Variants in KIF3A observed in about 807,000 individuals in gnomAD.
KIF3A encodes the protein kinesin-like protein KIF3A.
KIF3A carries 27 observed loss-of-function variants against 92.6 expected under a neutral mutation model. That is an observed-to-expected ratio of 0.29 (90% CI 0.21 to 0.40). The LOEUF (loss-of-function observed/expected upper bound fraction) is 0.40. KIF3A is among the 10% of genes least tolerant of loss of function. KIF3A has a pLI of 1.00. For missense variants in KIF3A, 581 were observed against 872.6 expected (o/e 0.67, Z 4.21); for synonymous variants, 250 against 275.4 (o/e 0.91, Z 0.92).
At chr5:132,734,154 A>G (rs1287228954) in intron 2 of KIF3A, 51 bp downstream of exon 2, 1 of 1,387,646 alleles carries the variant, frequency 7.2e-7, no homozygotes, top group African/African-American at 1.4e-5. Context: ...TTTATGGCAC[A>G]GTAATTATGT....
chr5:132,729,204 C>T (rs1754141992), intron 2 of KIF3A, among the ~76,000 whole-genome samples: 1 of 152,020 alleles, frequency 6.6e-6, no homozygotes, highest in Middle Eastern at 3.4e-3. Context: ...ATGGGTGCAC[C>T]AAAATCTCAG....
intron 8 of KIF3A, among the ~76,000 whole-genome samples, chr5:132,714,532 T>C (rs977232093): frequency 3.9e-5 from 6 of 152,220 alleles, no homozygotes; most frequent in Non-Finnish European, 7.3e-5. Flanking sequence ...CACAAGTAGA[T>C]ACTCCATGAT....
intron 5 of KIF3A, among the ~76,000 whole-genome samples, chr5:132,719,268 A>ATT (rs1437508445): frequency 5.4e-4 from 83 of 152,294 alleles, no homozygotes; most frequent in Non-Finnish European, 9.6e-4. Flanking sequence ...GAAGTTAAAC[A>ATT]GCCTTTCACA....
chr5:132,700,233 C>G lies in KIF3A; in HGVS notation c.1990G>C (p.Asp664His), dbSNP rs1170440280. The G allele has an allele frequency of 6.3e-7, 1 of 1,584,962 alleles. No individual in the cohort carries two copies. ...NNMRKQTPVP[D>H]KKEKDPFEVD... ...ACTCTTACATCTTTCTCCTTTTTAT[C>G]AGGTACTGGGGTTTGCTTCCTCATG... is the stretch of plus-strand genomic sequence containing the variant. The change falls in exon 17 of 19, where the codon GAT becomes CAT. Residue 664 changes from aspartate to histidine, a missense_variant. Asp to His is a moderately conservative substitution (Grantham distance 81). Around this residue, in one of 5 missense-constraint regions of KIF3A, gnomAD observed 112 missense variants for 144.3 expected, o/e 0.78. Coordinates refer to ENST00000403231, the MANE Select transcript of KIF3A (RefSeq NM_001300791.2).
intron 11 of KIF3A, among the ~76,000 whole-genome samples, chr5:132,705,266 T>C (rs1753170266): frequency 6.6e-6 from 1 of 152,044 alleles, no homozygotes; most frequent in Non-Finnish European, 1.5e-5. Flanking sequence ...ATATAGTAAG[T>C]ATACGCATTT....
chr5:132,718,378 C>T (rs1399905135), intron 5 of KIF3A, among the ~76,000 whole-genome samples: 6 of 152,026 alleles, frequency 3.9e-5, no homozygotes, highest in South Asian at 2.1e-4. Flanking sequence ...GGCACAATCT[C>T]GGCTCACTGC....
intron 2 of KIF3A, among the ~76,000 whole-genome samples, chr5:132,731,924 T>C (rs1183107845): frequency 6.6e-6 from 1 of 152,048 alleles, no homozygotes; most frequent in African/African-American, 2.4e-5. Context: ...TTGGTCAGGC[T>C]AGTCTCGAAC....
chr5:132,697,310 A>G (rs774005563), intron 18 of KIF3A, among the ~76,000 whole-genome samples: 24 of 152,122 alleles, frequency 1.6e-4, no homozygotes, highest in Non-Finnish European at 3.5e-4. Context: ...GTATACAGAG[A>G]TGGTGAGTTT....
intron 4 of KIF3A, among the ~76,000 whole-genome samples, chr5:132,724,994 C>T (rs1316457553): frequency 1.3e-5 from 2 of 149,710 alleles, no homozygotes; most frequent in Non-Finnish European, 3.0e-5. Flanking sequence ...ATAAAAAAAA[C>T]TTTCCTAAAA....
At chr5:132,707,163 A>G (rs1753240861) in intron 10 of KIF3A, among the ~76,000 whole-genome samples, 2 of 152,056 alleles carry the variant, frequency 1.3e-5, no homozygotes, top group South Asian at 4.1e-4. Context: ...AAATTATTAC[A>G]TAAAATGAAG....
At position 132,728,745 on chromosome 5, in the gene KIF3A, CAATAAATAAATA is replaced by C. The variant is rs3048989; in HGVS notation, c.281-2259_281-2248del. ...GAGTGAGACTCTGTCTCAAAAAATA[CAATAAATAAATA>C]AATAAATAAATAAATATAATAAACT... is the stretch of plus-strand genomic sequence containing the variant. On this transcript the variant is annotated intron_variant, in intron 2 of 18. Transcript: ENST00000403231. Among the ~76,000 whole-genome samples the C allele has an allele frequency of 1.3e-4, 19 of 149,694 alleles. No individual in the cohort carries two copies. The East Asian group carries it at 2.2e-3, about 17-fold the overall frequency.
chr5:132,699,020 G>A, intron 18 of KIF3A, 151 bp downstream of exon 18: 1 of 775,378 alleles, frequency 1.3e-6, no homozygotes, highest in Non-Finnish European at 2.1e-6. Flanking sequence ...TTACAGGCGT[G>A]AGCCACTGTG....
intron 2 of KIF3A, among the ~76,000 whole-genome samples, chr5:132,727,757 C>T (rs922176512): frequency 6.6e-6 from 1 of 152,074 alleles, no homozygotes; most frequent in African/African-American, 2.4e-5. Flanking sequence ...TTGGAGAAAA[C>T]CAAGGGTCGA....
chr5:132,715,954 C>G (rs1374050398), intron 7 of KIF3A, 23 bp from the exon 8 acceptor site: 6 of 1,504,144 alleles, frequency 4.0e-6, no homozygotes, highest in Non-Finnish European at 4.5e-6. Context: ...AAATATGAAA[C>G]AAATCATTTT....
intron 2 of KIF3A, among the ~76,000 whole-genome samples, chr5:132,727,134 T>G (rs527720737): frequency 6.6e-6 from 1 of 152,318 alleles, no homozygotes; most frequent in South Asian, 2.1e-4. Context: ...GAAACAGAGT[T>G]AACAAAAAGA....
At chr5:132,703,097 A>C in intron 12 of KIF3A, 32 bp from the exon 13 acceptor site, 1 of 1,526,214 alleles carries the variant, frequency 6.6e-7, no homozygotes, top group Admixed American at 2.2e-5. Flanking sequence ...CTCTATATTC[A>C]CTGATGATCT....
intron 18 of KIF3A, among the ~76,000 whole-genome samples, chr5:132,698,115 T>C (rs935442407): frequency 1.3e-5 from 2 of 152,056 alleles, no homozygotes; most frequent in Non-Finnish European, 2.9e-5. Flanking sequence ...AGTTCAACCA[T>C]CCCAAATTTA....
At chr5:132,733,273 T>C (rs539610452) in intron 2 of KIF3A, among the ~76,000 whole-genome samples, 2 of 152,328 alleles carry the variant, frequency 1.3e-5, no homozygotes, top group African/African-American at 4.8e-5. Context: ...AAATTTGATA[T>C]TTGAATTTTA....
At position 132,700,229 on chromosome 5, in the gene KIF3A, T is replaced by G; in HGVS notation, c.1994A>C (p.Lys665Thr). 1 of 1,585,048 alleles carries G rather than the reference T, an allele frequency of 6.3e-7. No homozygotes were observed. The highest frequency in any genetic ancestry group is 1.7e-5 in the Admixed American group (1 of 58,432). ...AAGTACTCTTACATCTTTCTCCTTT[T>G]TATCAGGTACTGGGGTTTGCTTCCT... is the stretch of plus-strand genomic sequence containing the variant. ...NMRKQTPVPDKKEKDPFEVDL... is the reference protein window; with the variant it reads ...NMRKQTPVPDTKEKDPFEVDL... Residue 665 changes from lysine (K) to threonine (T), a missense_variant, in exon 17 of 19, where the codon AAA becomes ACA. This residue lies in a region of KIF3A where 112 missense variants were observed against 144.3 expected (regional missense o/e 0.78). Transcript: ENST00000403231.
Sources: gnomAD v4.1 joint callset for allele counts (sites outside exome capture counted in the v4.1 genomes callset) on GRCh38, gnomAD v4.1.1 for gene constraint, gnomAD v4.1.1 regional missense constraint, MANE v1.5 for transcripts, NCBI Gene and HGNC (gene_info 2026-07-23, HGNC 2026-07-21) for gene names.